Variants in PSMD8 observed in about 807,000 individuals in gnomAD.
The protein encoded by PSMD8 is 26S proteasome non-ATPase regulatory subunit 8.
Under a neutral mutation model 40.0 loss-of-function variants are expected in PSMD8, and 30 were observed. The ratio of observed to expected loss-of-function variants is 0.75; its 90% CI spans 0.56 to 1.02. The LOEUF (loss-of-function observed/expected upper bound fraction) is 1.02, where lower values mean the gene tolerates loss of function less well. PSMD8 is among the 50% of genes least tolerant of loss of function. The probability of loss-of-function intolerance (pLI) is 0.00; values close to 1 mark genes in which losing one functional copy is unlikely to be tolerated. For missense variants in PSMD8, 461 were observed against 463.9 expected, an observed-to-expected ratio of 0.99 and a Z score of 0.06; for synonymous variants, 208 against 192.5, an observed-to-expected ratio of 1.08 and a Z score of -0.67.
At chr19:38,376,303 G>A (rs1342399356) in intron 2 of PSMD8, 49 bp from the exon 3 acceptor site, 2 of 1,535,036 alleles carry the variant, frequency 1.3e-6, no homozygotes, top group African/African-American at 2.8e-5. Context: ...ACTGGTGGTT[G>A]GGGAAGAGAC....
chr19:38,379,762 C>T (rs998638011), intron 4 of PSMD8, among the ~76,000 whole-genome samples: 4 of 152,030 alleles, frequency 2.6e-5, no homozygotes, highest in Non-Finnish European at 4.4e-5. Flanking sequence ...ATATTTATCT[C>T]GGGGAGTCAG....
At chr19:38,382,563 T>C (rs1417292986) in intron 6 of PSMD8, 2 of 527,772 alleles carry the variant, frequency 3.8e-6, no homozygotes, top group Non-Finnish European at 6.7e-6. Flanking sequence ...CAACGCTTGG[T>C]GTTGCAGGAG....
intron 3 of PSMD8, among the ~76,000 whole-genome samples, chr19:38,378,084 GGGCATGAT>G (rs1451757499): frequency 6.6e-6 from 1 of 152,208 alleles, no homozygotes; most frequent in Non-Finnish European, 1.5e-5. Context: ...CTGTGAGGCC[GGGCATGAT>G]GGCACATGCC....
Position 38,379,309 on chromosome 19 carries a change from G to C in PSMD8, c.606G>C (p.Gln202His). 6.2e-7 allele frequency: 1 copy of C among 1,613,988 alleles called. No homozygotes were observed. The change falls in exon 4 of 7, where the codon CAG becomes CAC. Residue 202 changes from glutamine to histidine, a missense_variant. Coordinates refer to ENST00000215071, the MANE Select transcript of PSMD8 (RefSeq NM_002812.5). ...LGLNLLFLLS[Q>H]NRVAEFHTEL... ...TCAACCTCCTCTTCCTGCTGTCCCA[G>C]AACCGGGTGGCTGAGTTCCACACGG...
chr19:38,375,058 C>T (rs1970586722), intron 1 of PSMD8, 97 bp downstream of exon 1: 1 of 1,494,820 alleles, frequency 6.7e-7, no homozygotes, highest in Admixed American at 2.1e-5. Flanking sequence ...GAAGCCACCT[C>T]GGTGCCAGCG....
Position 38,374,874 on chromosome 19 carries a change from G to T in PSMD8, c.273G>T (p.Ala91=), listed in dbSNP as rs766281356. ...AATSGAVLQA[A]TGMYEQLKGE... ...CCTCGGGCGCTGTTCTGCAGGCCGC[G>T]ACCGGCATGTACGAGCAACTCAAGG... The change falls in exon 1 of 7, where the codon GCG becomes GCT. Residue 91 remains alanine (A), a synonymous_variant. Transcript: ENST00000215071. 1.9e-6 allele frequency: 3 copies of T among 1,586,338 alleles called. No homozygotes were observed. The East Asian group carries it at 6.8e-5, about 36-fold the overall frequency.
intron 6 of PSMD8, 28 bp downstream of exon 6, chr19:38,382,256 T>C: frequency 6.5e-7 from 1 of 1,534,744 alleles, no homozygotes; most frequent in Non-Finnish European, 8.9e-7. Flanking sequence ...CAAGGGGCCG[T>C]GGGACCAAGG....
chr19:38,379,214 C>T, intron 3 of PSMD8, 26 bp from the exon 4 acceptor site: 2 of 1,610,190 alleles, frequency 1.2e-6, no homozygotes, highest in South Asian at 2.2e-5. Context: ...TCCTCCTTAA[C>T]CTGCTTCCCC....
At chr19:38,381,860 G>T (rs1476311319) in intron 5 of PSMD8, among the ~76,000 whole-genome samples, 1 of 152,216 alleles carries the variant, frequency 6.6e-6, no homozygotes, top group Admixed American at 6.5e-5. Context: ...CTGAAATCCT[G>T]TGGCTGGGAG....
At position 38,374,626 on chromosome 19, in the gene PSMD8, A is replaced by C; in HGVS notation, c.25A>C (p.Arg9=). 6.6e-7 allele frequency: 1 copy of C among 1,504,614 alleles called. No individual in the cohort carries two copies. Among genetic ancestry groups the C allele is most frequent in the Non-Finnish European group, 8.8e-7 (1 of 1,133,578 alleles). The allele number at this position is 1,504,614 out of a possible 1,614,324, so 93.2% of individuals were successfully genotyped here. The change falls in exon 1 of 7, where the codon AGG becomes CGG. Residue 9 remains arginine (R), a synonymous_variant. Coordinates refer to ENST00000215071, the MANE Select transcript of PSMD8 (RefSeq NM_002812.5). MFIKGRAP[R]APPRERRRAT... ...CATGTTCATTAAGGGCAGGGCTCCG[A>C]GGGCGCCACCTCGAGAGCGACGGCG...
Position 38,382,126 on chromosome 19 carries a change from C to T in PSMD8, c.813C>T (p.Ile271=), listed in dbSNP as rs1389166435. ...TCTCATCTTCCCCCAGGGATGAGAT[C>T]GCTGGGTGCATCGAGAAGGCCTACG... ...DILLDTIRDE[I]AGCIEKAYEK... Residue 271 remains isoleucine, a synonymous_variant, in exon 6 of 7, where the codon ATC becomes ATT. Coordinates refer to ENST00000215071, the MANE Select transcript of PSMD8 (RefSeq NM_002812.5). The T allele has an allele frequency of 5.7e-6, 9 of 1,568,770 alleles. No individual in the cohort carries two copies. The highest frequency in any genetic ancestry group is 1.2e-5 in the South Asian group (1 of 84,888).
chr19:38,379,442 G>A, intron 4 of PSMD8, 37 bp downstream of exon 4: 1 of 1,610,198 alleles, frequency 6.2e-7, no homozygotes, highest in Non-Finnish European at 8.5e-7. Flanking sequence ...CCTGGCCAAA[G>A]TGGGTGGTGC....
chr19:38,383,357 C>A lies in PSMD8; in HGVS notation c.1020C>A (p.Ile340=), dbSNP rs779319532. The A allele has an allele frequency of 6.2e-7, 1 of 1,613,756 alleles. No individual in the cohort carries two copies. The highest frequency in any genetic ancestry group is 1.3e-5 in the African/African-American group (1 of 74,882). ...CCACAGAACTGGCCAAACAGGTCAT[C>A]GAGTATGCCCGGCAGCTGGAGATGA... The part of the protein sequence containing the change: ...IPSTELAKQV[I]EYARQLEMIV The change falls in exon 7 of 7, where the codon ATC becomes ATA. Residue 340 remains isoleucine, a synonymous_variant. Coordinates refer to ENST00000215071, the MANE Select transcript of PSMD8 (RefSeq NM_002812.5).
At position 38,376,338 on chromosome 19, in the gene PSMD8, T is replaced by A. The variant is rs767241847; in HGVS notation, c.434-14T>A. 3 of 1,547,554 alleles carry A rather than the reference T, an allele frequency of 1.9e-6. No individual in the cohort carries two copies. The highest frequency in any genetic ancestry group is 2.6e-6 in the Non-Finnish European group (3 of 1,142,792). On this transcript the variant is annotated splice_polypyrimidine_tract_variant and intron_variant, in intron 2 of 6. Coordinates refer to ENST00000215071, the MANE Select transcript of PSMD8 (RefSeq NM_002812.5). ...CCTCAGTCACCTCCTGAGAGCTCACTCTGTCACCCACAGGTGACATACTGG... is the reference window on the plus strand; with the variant it reads ...CCTCAGTCACCTCCTGAGAGCTCACACTGTCACCCACAGGTGACATACTGG...
rs530073790 is a variant in PSMD8, at chr19:38,378,207, T to C, written c.537-1033T>C. On this transcript the variant is annotated intron_variant, in intron 3 of 6. Transcript: ENST00000215071. ...CGAAATCCTGTCTCTACAAAAAATA[T>C]TGAAAAATTAGCTGGGCAGGCTGGG... is the stretch of plus-strand genomic sequence containing the variant. 2.6e-5 allele frequency among the ~76,000 whole-genome samples: 4 copies of C among 152,084 alleles called. No homozygotes were observed. In the South Asian group the frequency reaches 8.3e-4, roughly 32 times the overall value.
chr19:38,380,725 T>TGTGTGTGCGCGCGCGCGTGCGCGC (rs1555743513), intron 4 of PSMD8, among the ~76,000 whole-genome samples, 174 bp from the exon 5 acceptor site: 5 of 150,318 alleles, frequency 3.3e-5, no homozygotes, highest in Admixed American at 6.6e-5. Flanking sequence ...TGTGTGTGTG[T>TGTGTGTGCGCGCGCGCGTGCGCGC]GTGTGCGCAT....
At chr19:38,377,087 A>C (rs1358273526) in intron 3 of PSMD8, among the ~76,000 whole-genome samples, 1 of 152,186 alleles carries the variant, frequency 6.6e-6, no homozygotes, top group Non-Finnish European at 1.5e-5. Context: ...GACATCAGAC[A>C]AATCTGGCTT....
chr19:38,374,637 T>A lies in PSMD8; in HGVS notation c.36T>A (p.Pro12=). Residue 12 remains proline (P), a synonymous_variant, in exon 1 of 7, where the codon CCT becomes CCA. Coordinates refer to ENST00000215071, the MANE Select transcript of PSMD8 (RefSeq NM_002812.5). ...FIKGRAPRAP[P]RERRRATRGG... is the part of the protein sequence containing the mutation. The stretch of plus-strand genomic sequence containing the variant: ...AGGGCAGGGCTCCGAGGGCGCCACC[T>A]CGAGAGCGACGGCGGGCTACCCGGG... The A allele has an allele frequency of 6.6e-7, 1 of 1,513,680 alleles. No individual in the cohort carries two copies. The highest frequency in any genetic ancestry group is 8.8e-7 in the Non-Finnish European group (1 of 1,138,164). The allele number at this position is 1,513,680 out of a possible 1,614,324, so 93.8% of individuals were successfully genotyped here.
chr19:38,382,365 A>G, intron 6 of PSMD8, 137 bp downstream of exon 6: 1 of 706,858 alleles, frequency 1.4e-6, no homozygotes, highest in Non-Finnish European at 2.5e-6. Context: ...CAAGCTGCCA[A>G]AGCTCTCTGA....
Sources: allele counts gnomAD v4.1 joint callset (sites outside exome capture counted in the v4.1 genomes callset), GRCh38; gene constraint gnomAD v4.1.1; transcripts MANE v1.5; gene names NCBI Gene and HGNC (gene_info 2026-07-23, HGNC 2026-07-21).